The following SPHKAP variants were observed in gnomAD, a reference collection of about 807,000 sequenced individuals.
SPHKAP encodes the protein SPHK1 interactor, AKAP domain containing, also known as A-kinase anchor protein SPHKAP.
Under a neutral mutation model 137.5 loss-of-function variants are expected in SPHKAP, and 67 were observed. That is an observed-to-expected ratio of 0.49 (90% CI 0.40 to 0.60). SPHKAP has a LOEUF of 0.60. SPHKAP is among the 20% of genes least tolerant of loss of function. The pLI is 0.00. For missense variants in SPHKAP, 2,097 were observed against 2,069.3 expected, an observed-to-expected ratio of 1.01 and a Z score of -0.26; for synonymous variants, 813 against 785.3, an observed-to-expected ratio of 1.04 and a Z score of -0.59.
chr2:228,002,695 T>G (rs1693955503), intron 7 of SPHKAP, among the ~76,000 whole-genome samples: 1 of 152,306 alleles, frequency 6.6e-6, no homozygotes, highest in African/African-American at 2.4e-5. Flanking sequence ...GTTTCTATGG[T>G]TTTAGGTCTA....
intron 7 of SPHKAP, among the ~76,000 whole-genome samples, chr2:228,005,664 GCA>G (rs1338437400): frequency 2.6e-5 from 4 of 152,084 alleles, no homozygotes. Flanking sequence ...TTACAATTTG[GCA>G]TGTTTTTGCA....
chr2:228,169,782 T>A (rs1296059999), intron 1 of SPHKAP: 1 of 152,006 alleles, frequency 6.6e-6, no homozygotes, highest in Non-Finnish European at 1.5e-5. Flanking sequence ...ATTAGAATGA[T>A]ACAGAGAAGA....
At chr2:228,102,129 C>T (rs1295912954) in intron 3 of SPHKAP, among the ~76,000 whole-genome samples, 3 of 152,092 alleles carry the variant, frequency 2.0e-5, no homozygotes, top group Non-Finnish European at 4.4e-5. Context: ...ACAATTGTAT[C>T]TTTTCATATG....
Position 228,181,477 on chromosome 2 carries a change from A to G in SPHKAP, c.32+90T>C. 6.3e-7 allele frequency: 1 copy of G among 1,589,194 alleles called. No homozygotes were observed. Among genetic ancestry groups the G allele is most frequent in the Non-Finnish European group, 8.6e-7 (1 of 1,157,536 alleles). On this transcript the variant is annotated intron_variant, in intron 1 of 11. Coordinates refer to ENST00000392056, the MANE Select transcript of SPHKAP (RefSeq NM_001142644.2). This position sits in a 1 kb window ranked among gnomAD's most constrained non-coding sequence, Gnocchi z 4.3. Reference sequence around the variant, plus strand: ...CTCGCTGGGAGCCCCGTGCAAACCGAAGCGCTCTGGGGCAAGTTGGTGAGC... The same window carrying G: ...CTCGCTGGGAGCCCCGTGCAAACCGGAGCGCTCTGGGGCAAGTTGGTGAGC...
At position 228,005,574 on chromosome 2, in the gene SPHKAP, G is replaced by A. The variant is rs539325926; in HGVS notation, c.4449-9880C>T. On this transcript the variant is annotated intron_variant, in intron 7 of 11. Transcript: ENST00000392056. ...ATTTAAGGTTAATATTGTTATGTGGGATTTTGATCATGTCTTTATGATGTT... is the reference window on the plus strand; with the variant it reads ...ATTTAAGGTTAATATTGTTATGTGGAATTTTGATCATGTCTTTATGATGTT... Among the ~76,000 whole-genome samples the A allele has an allele frequency of 1.1e-4, 16 of 152,274 alleles. No individual in the cohort carries two copies. In the South Asian group the frequency reaches 3.3e-3, roughly 32 times the overall value.
rs1700914527 is a variant in SPHKAP at position 228,181,543 on chromosome 2, G to A, written c.32+24C>T. 2.5e-6 allele frequency: 4 copies of A among 1,614,176 alleles called. No individual in the cohort carries two copies. Among genetic ancestry groups the A allele is most frequent in the Non-Finnish European group, 3.4e-6 (4 of 1,180,010 alleles). ...ACGGAGTTTGATCGACATGGTATTG[G>A]GCATAGAAAGAAGCGGGTCTTACCT... On this transcript the variant is annotated intron_variant, in intron 1 of 11. Transcript: ENST00000392056. This position sits in a 1 kb window ranked among gnomAD's most constrained non-coding sequence, Gnocchi z 4.3.
chr2:228,130,092 A>C (rs921200016), intron 2 of SPHKAP, among the ~76,000 whole-genome samples: 4 of 152,090 alleles, frequency 2.6e-5, no homozygotes, highest in Non-Finnish European at 5.9e-5. Context: ...GACCGTGCCC[A>C]GCACCAGTTT....
At chr2:227,982,069 T>TC (rs1693019656) in intron 11 of SPHKAP, 12 of 922,974 alleles carry the variant, frequency 1.3e-5, no homozygotes, top group Non-Finnish European at 1.5e-5. Context: ...TTTTTTTTTT[T>TC]CACAGCAGTT....
At chr2:228,010,094 G>A (rs1694309519) in intron 7 of SPHKAP, among the ~76,000 whole-genome samples, 1 of 152,084 alleles carries the variant, frequency 6.6e-6, no homozygotes, top group Non-Finnish European at 1.5e-5. Context: ...TTCCCTCTTG[G>A]CATTATTGTC....
chr2:228,070,366 AG>A (rs1462598164), intron 3 of SPHKAP, among the ~76,000 whole-genome samples: 1 of 152,202 alleles, frequency 6.6e-6, no homozygotes, highest in East Asian at 1.9e-4. Flanking sequence ...AGGAGGCGGA[AG>A]GGGAGGCAGG....
chr2:228,167,006 C>T (rs1700441135), intron 1 of SPHKAP, among the ~76,000 whole-genome samples: 1 of 152,074 alleles, frequency 6.6e-6, no homozygotes, highest in Non-Finnish European at 1.5e-5. Flanking sequence ...TTTGGGAGAA[C>T]TCACTATCAC....
chr2:228,031,757 G>T (rs1389011417), intron 3 of SPHKAP, among the ~76,000 whole-genome samples: 6 of 152,208 alleles, frequency 3.9e-5, no homozygotes, highest in African/African-American at 1.4e-4. Flanking sequence ...CACCGCTGCT[G>T]ATACCAAGAC....
intron 3 of SPHKAP, among the ~76,000 whole-genome samples, chr2:228,103,186 C>T (rs569269834): frequency 6.6e-6 from 1 of 152,320 alleles, no homozygotes; most frequent in African/African-American, 2.4e-5. Context: ...CCCAACCCCC[C>T]ACAGAAACCT....
At chr2:228,156,481 T>C (rs997702464) in intron 1 of SPHKAP, among the ~76,000 whole-genome samples, 4 of 152,238 alleles carry the variant, frequency 2.6e-5, no homozygotes, top group Admixed American at 6.5e-5. Flanking sequence ...GGGATATCTT[T>C]CTAATGATTT....
intron 3 of SPHKAP, among the ~76,000 whole-genome samples, chr2:228,073,040 T>C (rs139031224): frequency 3.3e-5 from 5 of 152,362 alleles, no homozygotes; most frequent in African/African-American, 9.6e-5. Flanking sequence ...TTTAGGTTAA[T>C]TTGTTGTTCA....
intron 3 of SPHKAP, among the ~76,000 whole-genome samples, chr2:228,099,646 C>T (rs1427552569): frequency 1.3e-5 from 2 of 152,100 alleles, no homozygotes; most frequent in Admixed American, 1.3e-4. Context: ...ATTGATTCTT[C>T]TAATCCATGA....
intron 2 of SPHKAP, among the ~76,000 whole-genome samples, chr2:228,125,235 A>G (rs1265794001): frequency 6.6e-6 from 1 of 152,202 alleles, no homozygotes; most frequent in Non-Finnish European, 1.5e-5. Flanking sequence ...GTCTAAGTGA[A>G]GCATAGATTG....
In SPHKAP at chr2:228,181,157, G is replaced by A. The variant is rs1022475714; in HGVS notation, c.32+410C>T. Among the ~76,000 whole-genome samples the A allele has an allele frequency of 2.0e-5, 3 of 152,154 alleles. No homozygotes were observed. Among genetic ancestry groups the A allele is most frequent in the African/African-American group, 7.2e-5 (3 of 41,438 alleles). On this transcript the variant is annotated intron_variant, in intron 1 of 11. Transcript: ENST00000392056. This position sits in a 1 kb window ranked among gnomAD's most constrained non-coding sequence, Gnocchi z 4.3. Reference sequence around the variant, plus strand: ...AGGTCAAGGTGGAAGGAAAGCGGGGGTACTTTGCCCTAGCCCGGTTCCCTC... The same window carrying A: ...AGGTCAAGGTGGAAGGAAAGCGGGGATACTTTGCCCTAGCCCGGTTCCCTC...
intron 6 of SPHKAP, among the ~76,000 whole-genome samples, chr2:228,020,471 GA>G (rs1694797773): frequency 6.6e-6 from 1 of 152,150 alleles, no homozygotes; most frequent in African/African-American, 2.4e-5. Flanking sequence ...CACAAGGACA[GA>G]AAACCAAACA....
Sources: gnomAD v4.1 joint callset for allele counts (sites outside exome capture counted in the v4.1 genomes callset) on GRCh38, gnomAD v4.1.1 for gene constraint, Gnocchi (gnomAD v3.1) non-coding constraint, MANE v1.5 for transcripts, NCBI Gene and HGNC (gene_info 2026-07-23, HGNC 2026-07-21) for gene names.